The following RALY variants were observed in gnomAD, a reference collection of about 807,000 sequenced individuals.
RALY encodes RNA-binding protein Raly.
Under a neutral mutation model 30.7 loss-of-function variants are expected in RALY, and 15 were observed. The ratio of observed to expected loss-of-function variants is 0.49; its 90% CI spans 0.33 to 0.75. The LOEUF (loss-of-function observed/expected upper bound fraction) is 0.75, where lower values mean the gene tolerates loss of function less well. Among genes scored for constraint, RALY ranks in the 30% least tolerant of loss-of-function variants. The pLI is 0.02. For missense variants in RALY, 339 were observed against 414.3 expected, an observed-to-expected ratio of 0.82 and a Z score of 1.58; for synonymous variants, 177 against 170.8, an observed-to-expected ratio of 1.04 and a Z score of -0.28.
chr20:34,036,861 G>C (rs967685674), intron 2 of RALY, among the ~76,000 whole-genome samples: 2 of 151,722 alleles, frequency 1.3e-5, no homozygotes, highest in Non-Finnish European at 2.9e-5. Context: ...CAGGTTTGTT[G>C]ATTTTGCTGG....
rs1047374630 is a variant in RALY, at chr20:34,081,020, C to T, written c.*1115C>T. 4 of 152,192 alleles carry T rather than the reference C, an allele frequency of 2.6e-5. No homozygotes were observed. The highest frequency in any genetic ancestry group is 4.4e-5 in the Non-Finnish European group (3 of 68,040). The allele number at this position is 152,192 out of a possible 1,614,324, so 9.4% of individuals were successfully genotyped here. On this transcript the variant is annotated 3_prime_UTR_variant, in exon 10 of 10. Coordinates refer to ENST00000246194, the MANE Select transcript of RALY (RefSeq NM_016732.3). ...AGACATTTGTTCTCTAACAATCAGC[C>T]GGGTTCCTTCAAACGTGTGCTGCTT...
intron 9 of RALY, 142 bp downstream of exon 9, chr20:34,078,695 C>T: frequency 8.5e-6 from 6 of 704,242 alleles, no homozygotes; most frequent in Non-Finnish European, 1.3e-5. Context: ...AAGTCCCCTC[C>T]ATATCTAGCC....
In RALY at chr20:34,072,102, G is replaced by C; in HGVS notation, c.28G>C (p.Val10Leu). 1 of 1,614,192 alleles carries C rather than the reference G, an allele frequency of 6.2e-7. No homozygotes were observed. Residue 10 changes from valine (V) to leucine (L), a missense_variant, in exon 3 of 10, where the codon GTA becomes CTA. Transcript: ENST00000246194. MSLKLQASN[V>L]TNKNDPKSIN... ...GTCCTTGAAGCTTCAGGCAAGCAAT[G>C]TAACCAACAAGAATGACCCCAAGTC...
intron 1 of RALY, among the ~76,000 whole-genome samples, chr20:34,031,211 A>ATTTT (rs11297874): frequency 1.8e-5 from 2 of 110,874 alleles, no homozygotes; most frequent in African/African-American, 6.8e-5. Context: ...TGCCTGGCTA[A>ATTTT]TTTTTTTTTT....
intron 2 of RALY, among the ~76,000 whole-genome samples, chr20:34,032,746 T>C (rs148009168): frequency 4.8e-4 from 73 of 152,266 alleles, no homozygotes; most frequent in African/African-American, 1.7e-3. Context: ...ATCTATAAAG[T>C]TGATGTTAGA....
chr20:34,048,340 C>CTA (rs1255879728), intron 2 of RALY, among the ~76,000 whole-genome samples: 1 of 152,098 alleles, frequency 6.6e-6, no homozygotes, highest in Non-Finnish European at 1.5e-5. Flanking sequence ...GTCTCCTATG[C>CTA]TATGGAGCAT....
rs2032827417 is a variant in RALY, at chr20:34,044,928, A to G, written c.-10+13324A>G. ...CATGGAACTTGTTATTTATTTATTT[A>G]TTGAGACAGGGTTTCACTCTGTCAC... On this transcript the variant is annotated intron_variant, in intron 2 of 9. Coordinates refer to ENST00000246194, the MANE Select transcript of RALY (RefSeq NM_016732.3). Among the ~76,000 whole-genome samples the G allele has an allele frequency of 2.0e-5, 3 of 152,232 alleles. No homozygotes were observed. In the South Asian group the frequency reaches 6.2e-4, roughly 32 times the overall value.
At chr20:34,077,551 T>G (rs1307821066) in intron 8 of RALY, 3 of 490,338 alleles carry the variant, frequency 6.1e-6, no homozygotes, top group African/African-American at 5.9e-5. Flanking sequence ...ACACACGGCC[T>G]GCAGAGCTTC....
chr20:34,077,095 T>TGGCAGTGGTGGTGGC lies in RALY; in HGVS notation c.729_743dup (p.Ser244_Gly248dup). On this transcript the variant is annotated inframe_insertion, in exon 8 of 10. Transcript: ENST00000246194. ...GCGGTGGTGGTGGCAGCGGTGGCGG[T>TGGCAGTGGTGGTGGC]GGCAGTGGTGGTGGCGGTGGCGGTG... is the stretch of plus-strand genomic sequence containing the variant. 6.2e-7 allele frequency: 1 copy of TGGCAGTGGTGGTGGC among 1,603,670 alleles called. No homozygotes were observed. Among genetic ancestry groups the TGGCAGTGGTGGTGGC allele is most frequent in the Non-Finnish European group, 8.5e-7 (1 of 1,175,024 alleles).
chr20:34,047,581 G>A (rs2032925622), intron 2 of RALY, among the ~76,000 whole-genome samples: 1 of 152,190 alleles, frequency 6.6e-6, no homozygotes, highest in Non-Finnish European at 1.5e-5. Flanking sequence ...AGTTGTATTG[G>A]TTTGATAGAG....
At position 33,993,924 on chromosome 20, in the gene RALY, G is replaced by A. The variant is rs1472875441; in HGVS notation, c.-300G>A. 1 of 151,826 alleles carries A rather than the reference G, an allele frequency of 6.6e-6. No homozygotes were observed. Among genetic ancestry groups the A allele is most frequent in the Non-Finnish European group, 1.5e-5 (1 of 67,854 alleles). The allele number at this position is 151,826 out of a possible 1,614,324, so 9.4% of individuals were successfully genotyped here. On this transcript the variant is annotated 5_prime_UTR_variant, in exon 1 of 10. Transcript: ENST00000246194. The stretch of plus-strand genomic sequence containing the variant: ...GCTCGCGCCGCTGTCAGTGCGGCGG[G>A]GCGCGCGAGCGGCGCCAGCTCGGGG...
chr20:34,004,388 T>C (rs2031065493), intron 1 of RALY, among the ~76,000 whole-genome samples: 1 of 152,250 alleles, frequency 6.6e-6, no homozygotes, highest in Non-Finnish European at 1.5e-5. Flanking sequence ...CAACACCCAG[T>C]TATCTTTTCT....
Position 34,082,819 on chromosome 20 carries a change from A to G in RALY, c.*2914A>G, listed in dbSNP as rs2034051177. 1 of 152,248 alleles carries G rather than the reference A, an allele frequency of 6.6e-6. No homozygotes were observed. The highest frequency in any genetic ancestry group is 2.4e-5 in the African/African-American group (1 of 41,462). 9.4% of individuals were successfully genotyped at this position (152,248 alleles called of 1,614,324 possible). ...GCGCAACAGTTGTCATTTTTCTAAC[A>G]TCTGAAAACTCCAGAAGGAGATGGT... is the stretch of plus-strand genomic sequence containing the variant. On this transcript the variant is annotated 3_prime_UTR_variant, in exon 10 of 10. Coordinates refer to ENST00000246194, the MANE Select transcript of RALY (RefSeq NM_016732.3).
chr20:34,001,331 A>C (rs1674226841), intron 1 of RALY, among the ~76,000 whole-genome samples: 2 of 152,254 alleles, frequency 1.3e-5, no homozygotes, highest in Non-Finnish European at 2.9e-5. Context: ...AGAAACTTGC[A>C]TTTCCTAAGA....
intron 2 of RALY, among the ~76,000 whole-genome samples, chr20:34,058,448 A>G (rs1463034278): frequency 6.6e-6 from 1 of 152,156 alleles, no homozygotes; most frequent in Non-Finnish European, 1.5e-5. Context: ...GACAGTGTCT[A>G]AGCTGCTCTC....
chr20:34,061,491 C>T (rs1354590235), intron 2 of RALY, among the ~76,000 whole-genome samples: 1 of 152,106 alleles, frequency 6.6e-6, no homozygotes, highest in African/African-American at 2.4e-5. Context: ...AGCTGTGTTA[C>T]TCAAAGTGAA....
intron 2 of RALY, among the ~76,000 whole-genome samples, chr20:34,052,173 G>C (rs756669066): frequency 5.9e-5 from 9 of 152,204 alleles, no homozygotes; most frequent in Non-Finnish European, 1.0e-4. Context: ...ATGCTAATAA[G>C]TAAATTTCTT....
chr20:34,077,426 A>C (rs2033924338), intron 8 of RALY, 181 bp downstream of exon 8: 32 of 1,367,208 alleles, frequency 2.3e-5, no homozygotes, highest in Non-Finnish European at 2.9e-5. Flanking sequence ...TGCCTATCTC[A>C]GACACCATCA....
At chr20:34,028,374 G>T (rs987250784) in intron 1 of RALY, among the ~76,000 whole-genome samples, 1 of 151,966 alleles carries the variant, frequency 6.6e-6, no homozygotes, top group East Asian at 1.9e-4. Flanking sequence ...GGGGAACAGG[G>T]GTACTGTATT....
Sources: gnomAD v4.1 joint callset for allele counts (sites outside exome capture counted in the v4.1 genomes callset) on GRCh38, gnomAD v4.1.1 for gene constraint, MANE v1.5 for transcripts, NCBI Gene and HGNC (gene_info 2026-07-23, HGNC 2026-07-21) for gene names.